Variants in ADGRV1 observed in about 807,000 individuals in gnomAD.
The protein encoded by ADGRV1 is G-protein coupled receptor 98.
ADGRV1 carries 359 observed loss-of-function variants against 596.2 expected under a neutral mutation model. That is an observed-to-expected ratio of 0.60 (90% CI 0.55 to 0.66). The LOEUF (loss-of-function observed/expected upper bound fraction) is 0.66. Ranked by LOEUF, ADGRV1 falls within the 30% of genes least tolerant of loss-of-function variation. The pLI is 0.00. For missense variants in ADGRV1, 7,274 were observed against 7,575.6 expected (o/e 0.96, Z 1.48); for synonymous variants, 2,681 against 2,679.2 (o/e 1.00, Z -0.02).
chr5:90,743,374 G>A lies in ADGRV1; in HGVS notation c.10550-1672G>A, dbSNP rs148975506. Among the ~76,000 whole-genome samples, 1,054 of 152,094 alleles carry A rather than the reference G, an allele frequency of 6.9e-3. 7 individuals are homozygous for A. The highest frequency in any genetic ancestry group is 0.024 in the African/African-American group (975 of 41,476). ...TTGATATGTAAGAGTAAGGATATGG[G>A]GCTTTCCGTTGTAACCTATGGGCTA... is the stretch of plus-strand genomic sequence containing the variant. On this transcript the variant is annotated intron_variant, in intron 50 of 89. Coordinates refer to ENST00000405460, the MANE Select transcript of ADGRV1 (RefSeq NM_032119.4).
chr5:90,669,695 A>G (rs571531375), intron 21 of ADGRV1, among the ~76,000 whole-genome samples: 2 of 152,286 alleles, frequency 1.3e-5, no homozygotes, highest in African/African-American at 4.8e-5. Context: ...GTGGCTAGTA[A>G]CACAGGTGTT....
At position 90,853,270 on chromosome 5, in the gene ADGRV1, C is replaced by G; in HGVS notation, c.17205-14C>G. On this transcript the variant is annotated splice_polypyrimidine_tract_variant and intron_variant, in intron 79 of 89. Coordinates refer to ENST00000405460, the MANE Select transcript of ADGRV1 (RefSeq NM_032119.4). ...ACATGCCATTTTTACAGACCCTTTG[C>G]TTTTCTGTTGTAGAAGCAAAACCAT... 1 of 1,588,328 alleles carries G rather than the reference C, an allele frequency of 6.3e-7. No individual in the cohort carries two copies. Among genetic ancestry groups the G allele is most frequent in the South Asian group, 1.2e-5 (1 of 86,528 alleles).
chr5:91,086,953 A>G (rs967568223), intron 86 of ADGRV1, among the ~76,000 whole-genome samples: 3 of 152,222 alleles, frequency 2.0e-5, no homozygotes, highest in African/African-American at 7.2e-5. Flanking sequence ...TAGTGCTACA[A>G]ACATCTCGTT....
rs1755693558 is a variant in ADGRV1, at chr5:90,755,127, CA to C, written c.11524del (p.Ile3842Ter). 1 of 1,610,826 alleles carries C rather than the reference CA, an allele frequency of 6.2e-7. No homozygotes were observed. Among genetic ancestry groups the C allele is most frequent in the Non-Finnish European group, 8.5e-7 (1 of 1,178,446 alleles). ...TENEDYVLQE[T>X]IIIMKENIKE... ...AATGAAGATTATGTATTGCAAGAAA[CA>C]ATAATAATAATGAAAGAAAACATAA... is the stretch of plus-strand genomic sequence containing the variant. On this transcript the variant is annotated frameshift_variant, in exon 55 of 90. Coordinates refer to ENST00000405460, the MANE Select transcript of ADGRV1 (RefSeq NM_032119.4). LOFTEE classifies it high-confidence loss of function.
At chr5:90,679,693 A>G (rs1473531923) in intron 26 of ADGRV1, 64 bp downstream of exon 26, 3 of 1,081,212 alleles carry the variant, frequency 2.8e-6, no homozygotes, top group Non-Finnish European at 2.8e-6. Flanking sequence ...CATTTTAGAG[A>G]CAATACTAAC....
chr5:90,610,219 C>G (rs1190779363), intron 1 of ADGRV1, among the ~76,000 whole-genome samples: 1 of 151,910 alleles, frequency 6.6e-6, no homozygotes, highest in East Asian at 1.9e-4. Flanking sequence ...TATAATGACA[C>G]GTTGTTGATG....
rs560817662 is a variant in ADGRV1, at chr5:90,922,571, C to T, written c.17857-42844C>T. Among the ~76,000 whole-genome samples the T allele has an allele frequency of 3.3e-5, 5 of 152,294 alleles. No homozygotes were observed. In the South Asian group the frequency reaches 8.3e-4, roughly 25 times the overall value. On this transcript the variant is annotated intron_variant, in intron 83 of 89. Transcript: ENST00000405460. ...AAGCTATTTTTCCCTTCTTCCTCTACAGTGGTCACCTCCTATCAGTAGCTT... is the reference window on the plus strand; with the variant it reads ...AAGCTATTTTTCCCTTCTTCCTCTATAGTGGTCACCTCCTATCAGTAGCTT...
chr5:90,834,638 A>G (rs1397295016), intron 77 of ADGRV1, among the ~76,000 whole-genome samples: 1 of 151,786 alleles, frequency 6.6e-6, no homozygotes, highest in Non-Finnish European at 1.5e-5. Context: ...TTTGGGTTAA[A>G]TCTGCTTGGT....
At chr5:90,577,703 T>C (rs146228939) in intron 1 of ADGRV1, among the ~76,000 whole-genome samples, 13,597 of 152,266 alleles carry the variant, frequency 0.089, 1,910 homozygotes, top group African/African-American at 0.3. Context: ...TAAATTACTT[T>C]GGGCATTATG....
At chr5:91,064,438 G>A (rs1197587164) in intron 85 of ADGRV1, among the ~76,000 whole-genome samples, 1 of 152,180 alleles carries the variant, frequency 6.6e-6, no homozygotes, top group East Asian at 1.9e-4. Flanking sequence ...TGCATGTGAG[G>A]ATTGGGTTTC....
intron 25 of ADGRV1, among the ~76,000 whole-genome samples, chr5:90,678,659 G>A (rs943223582): frequency 4.7e-5 from 7 of 147,732 alleles, no homozygotes; most frequent in African/African-American, 1.8e-4. Context: ...GCTCCACATG[G>A]TCAGAGAATG....
intron 42 of ADGRV1, among the ~76,000 whole-genome samples, chr5:90,713,436 A>G (rs765747714): frequency 6.6e-6 from 1 of 151,634 alleles, no homozygotes; most frequent in Non-Finnish European, 1.5e-5. Context: ...GTGGGGTGGT[A>G]AAGCGTTGTA....
chr5:90,710,905 CTG>C (rs1345125510), intron 39 of ADGRV1, 74 bp from the exon 40 acceptor site: 1 of 816,082 alleles, frequency 1.2e-6, no homozygotes, highest in African/African-American at 1.7e-5. Context: ...TTCAAAGGGA[CTG>C]TCTTTAAATC....
rs140280436 is a variant in ADGRV1, at chr5:91,064,820, A to G, written c.18153-7627A>G. On this transcript the variant is annotated intron_variant, in intron 85 of 89. Coordinates refer to ENST00000405460, the MANE Select transcript of ADGRV1 (RefSeq NM_032119.4). ...TAAATTTATTCCTTTAAAAAAATTA[A>G]TGTGCTTAAAGTGTTTCTCTAAGTC... Among the ~76,000 whole-genome samples the G allele has an allele frequency of 6.9e-3, 1,046 of 152,320 alleles. 5 individuals are homozygous for G. The highest frequency in any genetic ancestry group is 0.013 in the Admixed American group (193 of 15,290).
chr5:90,822,525 A>G (rs1386974442), intron 75 of ADGRV1, among the ~76,000 whole-genome samples: 1 of 152,080 alleles, frequency 6.6e-6, no homozygotes, highest in Admixed American at 6.5e-5. Flanking sequence ...TGTTTTGGTT[A>G]CTGTAGCCTT....
In ADGRV1 at chr5:90,694,419, A is replaced by T. The variant is rs1244011928; in HGVS notation, c.7663A>T (p.Lys2555Ter). The stretch of plus-strand genomic sequence containing the variant: ...CCTCATGAACATTTCAGCCAGTTTG[A>T]AAAATCAGCCAACCATAGGACAGCC... ...VHLMNISASL[K>*]NQPTIGQPNI... Residue 2555 changes from lysine to a stop codon, truncating the protein, a stop_gained, in exon 33 of 90, where the codon AAA (lysine) becomes TAA (stop). Coordinates refer to ENST00000405460, the MANE Select transcript of ADGRV1 (RefSeq NM_032119.4). LOFTEE classifies it high-confidence loss of function. 5 of 1,613,874 alleles carry T rather than the reference A, an allele frequency of 3.1e-6. No homozygotes were observed. The highest frequency in any genetic ancestry group is 1.3e-5 in the African/African-American group (1 of 74,928).
chr5:91,125,864 G>A (rs1371044245), intron 87 of ADGRV1, among the ~76,000 whole-genome samples: 2 of 152,108 alleles, frequency 1.3e-5, no homozygotes, highest in East Asian at 3.8e-4. Flanking sequence ...TTGATACAGA[G>A]GGATCTTATT....
intron 1 of ADGRV1, among the ~76,000 whole-genome samples, chr5:90,559,511 CTG>C (rs1464285438): frequency 2.0e-5 from 3 of 152,024 alleles, no homozygotes; most frequent in Non-Finnish European, 4.4e-5. Flanking sequence ...ATTTTAAAAA[CTG>C]TCTCAAAATT....
rs115016432 is a variant in ADGRV1, at chr5:91,143,758, G to A, written c.18433-6272G>A. Among the ~76,000 whole-genome samples the A allele has an allele frequency of 5.9e-3, 902 of 152,298 alleles. 10 individuals are homozygous for A. Among genetic ancestry groups the A allele is most frequent in the Non-Finnish European group, 9.5e-3 (646 of 68,022 alleles). The stretch of plus-strand genomic sequence containing the variant: ...CCAGCTTGAAGGTGGGGCCTCAACA[G>A]GGGCCTTCCCCCTCTACTCCAGAGC... On this transcript the variant is annotated intron_variant, in intron 87 of 89. Transcript: ENST00000405460.
Sources: allele counts gnomAD v4.1 joint callset (sites outside exome capture counted in the v4.1 genomes callset), GRCh38; gene constraint gnomAD v4.1.1; transcripts MANE v1.5; gene names NCBI Gene and HGNC (gene_info 2026-07-23, HGNC 2026-07-21).